PCDHA13: variants seen among roughly 807,000 people sequenced by gnomAD.
PCDHA13 encodes protocadherin alpha-13.
Under a neutral mutation model 64.8 loss-of-function variants are expected in PCDHA13, and 54 were observed. The observed-to-expected ratio is 0.83, with a 90% confidence interval of 0.67 to 1.04. The LOEUF (loss-of-function observed/expected upper bound fraction) is 1.04, where lower values mean the gene tolerates loss of function less well. Among genes scored for constraint, PCDHA13 ranks in the 50% least tolerant of loss-of-function variants. The pLI is 0.00. For synonymous variants in PCDHA13, 587 were observed against 564.4 expected (o/e 1.04, Z -0.57); for missense variants, 1,248 against 1,254.3 (o/e 0.99, Z 0.08).
At chr5:140,935,760 T>C (rs1320272382) in intron 1 of PCDHA13, among the ~76,000 whole-genome samples, 1 of 152,152 alleles carries the variant, frequency 6.6e-6, no homozygotes, top group Non-Finnish European at 1.5e-5. Flanking sequence ...TACACATTCT[T>C]CCCCACTTTG....
rs371505360 is a variant in PCDHA13, at chr5:140,882,840, C to T, written c.572C>T (p.Ser191Leu). 3.2e-5 allele frequency: 51 copies of T among 1,614,214 alleles called. 1 individual carries two copies. The African/African-American group carries it at 5.6e-4, about 18-fold the overall frequency. ...CAAAACAGTCTTGAGCAAATGTCTTCATTATCACTTGTACTGAGGAAAACA... is the reference window on the plus strand; with the variant it reads ...CAAAACAGTCTTGAGCAAATGTCTTTATTATCACTTGTACTGAGGAAAACA... ...DAQNSLEQMS[S>L]LSLVLRKTLD... The change falls in exon 1 of 4, where the codon TCA (serine) becomes TTA (leucine). Residue 191 changes from serine to leucine, a missense_variant. By Grantham distance (145) the Ser-to-Leu change is moderately radical (BLOSUM62 -2). Transcript: ENST00000289272.
intron 3 of PCDHA13, among the ~76,000 whole-genome samples, chr5:140,991,246 AT>A (rs1239917412): frequency 6.6e-6 from 1 of 152,206 alleles, no homozygotes; most frequent in African/African-American, 2.4e-5. Context: ...TAAAGGCAGT[AT>A]TTGAACTCAT....
At chr5:140,887,961 G>A (rs1311969868) in intron 1 of PCDHA13, among the ~76,000 whole-genome samples, 1 of 151,770 alleles carries the variant, frequency 6.6e-6, no homozygotes, top group African/African-American at 2.4e-5. Flanking sequence ...GATTCTTTTT[G>A]TCTCTTTTAA....
At chr5:140,973,088 A>G (rs2096571573) in intron 1 of PCDHA13, among the ~76,000 whole-genome samples, 4 of 152,204 alleles carry the variant, frequency 2.6e-5, no homozygotes, top group African/African-American at 7.2e-5. Flanking sequence ...CTGGCACAAC[A>G]TGTAGAAATT....
intron 1 of PCDHA13, among the ~76,000 whole-genome samples, chr5:140,917,324 C>CGGGGGGCG (rs1299895515): frequency 1.3e-5 from 1 of 76,124 alleles, no homozygotes; most frequent in Non-Finnish European, 2.9e-5. Context: ...GTTCATGTGG[C>CGGGGGGCG]GGGGGAGGGG....
chr5:140,996,814 G>T (rs1186688734), intron 3 of PCDHA13, among the ~76,000 whole-genome samples: 1 of 152,144 alleles, frequency 6.6e-6, no homozygotes, highest in African/African-American at 2.4e-5. Flanking sequence ...CTTTCCAAAA[G>T]TAACCACTAC....
Position 140,927,866 on chromosome 5 carries a change from A to G in PCDHA13, c.2394+43204A>G, listed in dbSNP as rs1554205166. The G allele has an allele frequency of 2.5e-6, 4 of 1,614,224 alleles. No individual in the cohort carries two copies. In the Admixed American group the frequency reaches 6.7e-5, roughly 27 times the overall value. On this transcript the variant is annotated intron_variant, in intron 1 of 3. Transcript: ENST00000289272. Reference sequence around the variant, plus strand: ...GTCTTTGGTTTAGCTAGCACCGCTAAACTGCTGGTGGAGGTGACTGACGTG... The same window carrying G: ...GTCTTTGGTTTAGCTAGCACCGCTAGACTGCTGGTGGAGGTGACTGACGTG...
intron 1 of PCDHA13, among the ~76,000 whole-genome samples, chr5:140,946,079 G>A (rs2093884371): frequency 6.6e-6 from 1 of 151,926 alleles, no homozygotes; most frequent in African/African-American, 2.4e-5. Context: ...GCAAACCACA[G>A]ATCTGATAAG....
chr5:140,968,184 C>T, intron 1 of PCDHA13: 1 of 1,614,050 alleles, frequency 6.2e-7, no homozygotes, highest in Non-Finnish European at 8.5e-7. Flanking sequence ...CTGGAGGACT[C>T]CTATTCCATC....
At chr5:140,926,018 G>C (rs1489789521) in intron 1 of PCDHA13, among the ~76,000 whole-genome samples, 1 of 152,122 alleles carries the variant, frequency 6.6e-6, no homozygotes, top group Non-Finnish European at 1.5e-5. Context: ...CCAGAGTCCG[G>C]AGGCAGTTTG....
rs573633705 is a variant in PCDHA13, at chr5:140,978,668, C to T, written c.2395-281C>T. ...TGTTCTTCCCGTAGTGTTTTAAGAACACAGACATGTATTGGGCAAGGCAAA... is the reference window on the plus strand; with the variant it reads ...TGTTCTTCCCGTAGTGTTTTAAGAATACAGACATGTATTGGGCAAGGCAAA... On this transcript the variant is annotated intron_variant, in intron 1 of 3. Coordinates refer to ENST00000289272, the MANE Select transcript of PCDHA13 (RefSeq NM_018904.3). 4.6e-5 allele frequency among the ~76,000 whole-genome samples: 7 copies of T among 152,362 alleles called. No homozygotes were observed. The East Asian group carries it at 1.3e-3, about 29-fold the overall frequency.
At chr5:140,969,337 AC>A in intron 1 of PCDHA13, 1 of 1,613,970 alleles carries the variant, frequency 6.2e-7, no homozygotes, top group East Asian at 2.2e-5. Flanking sequence ...ATGAGGTGAG[AC>A]AGTGGTCAGG....
At chr5:140,897,580 G>A (rs1420816335) in intron 1 of PCDHA13, among the ~76,000 whole-genome samples, 1 of 151,964 alleles carries the variant, frequency 6.6e-6, no homozygotes, top group African/African-American at 2.4e-5. Flanking sequence ...TCTTAATCCA[G>A]TCTGTCATTG....
intron 1 of PCDHA13, chr5:140,929,570 A>G (rs1563117537): frequency 2.2e-6 from 1 of 458,222 alleles, no homozygotes; most frequent in South Asian, 1.1e-4. Flanking sequence ...TAAGAACAAT[A>G]AAAGTAATAT....
At chr5:140,985,519 C>G (rs945399310) in intron 3 of PCDHA13, among the ~76,000 whole-genome samples, 7 of 152,120 alleles carry the variant, frequency 4.6e-5, no homozygotes, top group African/African-American at 1.7e-4. Flanking sequence ...TTCTGTTGCC[C>G]TTAAAGCTTC....
In PCDHA13 at chr5:140,985,839, A is replaced by G. The variant is rs570244448; in HGVS notation, c.2542+3276A>G. On this transcript the variant is annotated intron_variant, in intron 3 of 3. Coordinates refer to ENST00000289272, the MANE Select transcript of PCDHA13 (RefSeq NM_018904.3). ...ACAACAAGCTCTGCCTCCCGGGTTC[A>G]TGCCACTCTCCTGCCTCAGCCTCCT... Among the ~76,000 whole-genome samples the G allele has an allele frequency of 6.2e-5, 9 of 144,378 alleles. No homozygotes were observed. The East Asian group carries it at 1.9e-3, about 30-fold the overall frequency. 94.7% of individuals were successfully genotyped at this position (144,378 alleles called of 152,430 possible). A position where few individuals can be genotyped will look rare whatever the true frequency, so the allele number is the denominator to read the frequency against.
intron 1 of PCDHA13, among the ~76,000 whole-genome samples, chr5:140,972,133 C>T (rs532498360): frequency 2.0e-5 from 3 of 152,072 alleles, no homozygotes; most frequent in East Asian, 3.9e-4. Flanking sequence ...CAGTGAGTTA[C>T]TACTATTTTT....
chr5:140,993,282 C>G lies in PCDHA13; in HGVS notation c.2542+10719C>G, dbSNP rs183298575. On this transcript the variant is annotated intron_variant, in intron 3 of 3. Transcript: ENST00000289272. Reference sequence around the variant, plus strand: ...ATTAGCTTCTTTGGTCTTTTCTTGCCCAGGGTCACAACCTTGCCTCCAGGA... The same window carrying G: ...ATTAGCTTCTTTGGTCTTTTCTTGCGCAGGGTCACAACCTTGCCTCCAGGA... Among the ~76,000 whole-genome samples, 618 of 151,922 alleles carry G rather than the reference C, an allele frequency of 4.1e-3. 6 individuals are homozygous for G. Among genetic ancestry groups the G allele is most frequent in the Non-Finnish European group, 5.9e-3 (399 of 67,976 alleles).
intron 1 of PCDHA13, among the ~76,000 whole-genome samples, chr5:140,956,378 G>A (rs1317429422): frequency 5.9e-5 from 9 of 152,072 alleles, no homozygotes; most frequent in African/African-American, 1.7e-4. Context: ...GAATTTTATC[G>A]AAGGCCTTTT....
Sources: allele counts gnomAD v4.1 joint callset (sites outside exome capture counted in the v4.1 genomes callset), GRCh38; gene constraint gnomAD v4.1.1; transcripts MANE v1.5; gene names NCBI Gene and HGNC (gene_info 2026-07-23, HGNC 2026-07-21).